The following LMNA variants were observed in gnomAD, a reference collection of about 807,000 sequenced individuals.
LMNA encodes lamin.
Under a neutral mutation model 70.4 loss-of-function variants are expected in LMNA, and 20 were observed. That is an observed-to-expected ratio of 0.28 (90% CI 0.20 to 0.41). The LOEUF (loss-of-function observed/expected upper bound fraction) is 0.41, where lower values mean the gene tolerates loss of function less well. LMNA is among the 10% of genes least tolerant of loss of function. The probability of loss-of-function intolerance (pLI) is 1.00; values close to 1 mark genes in which losing one functional copy is unlikely to be tolerated. For missense variants in LMNA, 652 were observed against 917.2 expected (o/e 0.71, Z 3.73); for synonymous variants, 339 against 372.8 (o/e 0.91, Z 1.04).
intron 3 of LMNA, among the ~76,000 whole-genome samples, chr1:156,094,158 C>T (rs1001469487): frequency 6.6e-6 from 1 of 152,168 alleles, no homozygotes; most frequent in Non-Finnish European, 1.5e-5. Flanking sequence ...ATGCATACAC[C>T]TCCTCTCAGT....
intron 2 of LMNA, among the ~76,000 whole-genome samples, chr1:156,084,323 A>G (rs1201212367): frequency 0.02 from 132 of 6,564 alleles, no homozygotes; most frequent in Non-Finnish European, 0.039. Flanking sequence ...AGGATCTCAG[A>G]AGGTCGGGGG....
At chr1:156,094,720 T>C (rs1648851726) in intron 3 of LMNA, among the ~76,000 whole-genome samples, 1 of 152,080 alleles carries the variant, frequency 6.6e-6, no homozygotes, top group Non-Finnish European at 1.5e-5. Context: ...CCAAGTCTGC[T>C]GTGGCACTCA....
chr1:156,111,055 C>T (rs1185739829), upstream of LMNA, among the ~76,000 whole-genome samples: 1 of 152,082 alleles, frequency 6.6e-6, no homozygotes, highest in Non-Finnish European at 1.5e-5. Flanking sequence ...TCCTTTCTGT[C>T]CCTCACAGCA....
rs563649707 is a variant in LMNA, at chr1:156,101,304, A to G, written c.-207+10722A>G. ...CCGCAGTTCGAGAATAGCCTGGGCA[A>G]CAAAGTGAGACCCCAGCTCTACAAA... On this transcript the variant is annotated intron_variant, in intron 3 of 12. Coordinates refer to the LMNA transcript ENST00000368301. Among the ~76,000 whole-genome samples the G allele has an allele frequency of 2.4e-4, 37 of 152,322 alleles. No individual in the cohort carries two copies. The East Asian group carries it at 5.8e-3, about 24-fold the overall frequency.
intron 3 of LMNA, among the ~76,000 whole-genome samples, chr1:156,096,700 GAC>G: frequency 6.6e-6 from 1 of 152,356 alleles, no homozygotes; most frequent in South Asian, 2.1e-4. Context: ...CCTCTGGAAG[GAC>G]ACAGTCAGGG....
Position 156,115,327 on chromosome 1 carries a change from G to A in LMNA, c.356+53G>A. 1 of 1,515,938 alleles carries A rather than the reference G, an allele frequency of 6.6e-7. No homozygotes were observed. Among genetic ancestry groups the A allele is most frequent in the Non-Finnish European group, 8.9e-7 (1 of 1,120,110 alleles). 93.9% of individuals were successfully genotyped at this position (1,515,938 alleles called of 1,614,324 possible). A position where few individuals can be genotyped will look rare whatever the true frequency, so the allele number is the denominator to read the frequency against. On this transcript the variant is annotated intron_variant, in intron 1 of 11. Coordinates refer to ENST00000368300, the MANE Select transcript of LMNA (RefSeq NM_170707.4). The surrounding 1 kb of genome is among the most constrained non-coding windows in gnomAD (Gnocchi z 5.8). ...TGGCGGGGAGTGGAGAGGGCGGCGGGCCGGCGCCCCTGGCCGGCCGCAGGA... is the reference window on the plus strand; with the variant it reads ...TGGCGGGGAGTGGAGAGGGCGGCGGACCGGCGCCCCTGGCCGGCCGCAGGA...
chr1:156,125,258 G>A (rs1650471809), intron 1 of LMNA, among the ~76,000 whole-genome samples: 1 of 152,226 alleles, frequency 6.6e-6, no homozygotes, highest in South Asian at 2.1e-4. Context: ...GAATGGGAGG[G>A]AGGGACAGAG....
chr1:156,138,819 G>A lies in LMNA; in HGVS notation c.1968+62G>A. ...CGGGTCCCTGGTCATCGAGGGGTAG[G>A]ACGAGGTGGCCTTGCAGGGGGGAGA... is the stretch of plus-strand genomic sequence containing the variant. On this transcript the variant is annotated intron_variant, in intron 11 of 11. Transcript: ENST00000368300. The surrounding 1 kb of genome is among the most constrained non-coding windows in gnomAD (Gnocchi z 5.5). 6.2e-7 allele frequency: 1 copy of A among 1,606,176 alleles called. No individual in the cohort carries two copies. The highest frequency in any genetic ancestry group is 8.5e-7 in the Non-Finnish European group (1 of 1,175,094).
In LMNA at chr1:156,139,160, C is replaced by T; in HGVS notation, c.*54C>T. 1 of 1,612,708 alleles carries T rather than the reference C, an allele frequency of 6.2e-7. No homozygotes were observed. Among genetic ancestry groups the T allele is most frequent in the East Asian group, 2.2e-5 (1 of 44,872 alleles). ...TGGAGGCTTCCTGCGTCCTCCTCAC[C>T]TCATGCCCACCCCCTGCCCTGCACG... On this transcript the variant is annotated 3_prime_UTR_variant, in exon 12 of 12. Coordinates refer to ENST00000368300, the MANE Select transcript of LMNA (RefSeq NM_170707.4).
At chr1:156,097,196 G>A (rs571075652) in intron 3 of LMNA, among the ~76,000 whole-genome samples, 3 of 152,282 alleles carry the variant, frequency 2.0e-5, no homozygotes, top group Admixed American at 1.3e-4. Flanking sequence ...GGGGAGGCCC[G>A]GTTTCCATGA....
intron 11 of LMNA, 68 bp from the exon 12 acceptor site, chr1:156,139,012 G>A: frequency 1.9e-6 from 3 of 1,542,450 alleles, no homozygotes; most frequent in Non-Finnish European, 1.8e-6. Flanking sequence ...CCTTCTAGGG[G>A]CCAGGGGAGG....
intron 3 of LMNA, among the ~76,000 whole-genome samples, chr1:156,106,019 C>CAGGT (rs1336053119): frequency 6.6e-6 from 1 of 151,924 alleles, no homozygotes; most frequent in Non-Finnish European, 1.5e-5. Flanking sequence ...CCTGTAGTCC[C>CAGGT]AGGTACTAGG....
intron 3 of LMNA, among the ~76,000 whole-genome samples, chr1:156,097,898 C>T (rs903410711): frequency 1.4e-4 from 21 of 152,192 alleles, no homozygotes; most frequent in Admixed American, 8.5e-4. Context: ...GCTCCCCCAC[C>T]GTTTTCTCTC....
At position 156,137,022 on chromosome 1, in the gene LMNA, G is replaced by A. The variant is rs768017760; in HGVS notation, c.1482G>A (p.Val494=). ...AGTTCACCCTGAAGGCTGGGCAGGT[G>A]GTGACGGTGAGTGGCAGGGCGCTTG... ...PPKFTLKAGQ[V]VTIWAAGAGA... is the part of the protein sequence containing the mutation. The change falls in exon 8 of 12, where the codon GTG becomes GTA. Residue 494 remains valine (V), a synonymous_variant. Transcript: ENST00000368300. This position sits in a 1 kb window ranked among gnomAD's most constrained non-coding sequence, Gnocchi z 4.6. The A allele has an allele frequency of 6.2e-7, 1 of 1,614,220 alleles. No individual in the cohort carries two copies. The highest frequency in any genetic ancestry group is 1.1e-5 in the South Asian group (1 of 91,088).
intron 2 of LMNA, among the ~76,000 whole-genome samples, chr1:156,133,378 C>T (rs1456772943): frequency 6.6e-6 from 1 of 151,822 alleles, no homozygotes; most frequent in Non-Finnish European, 1.5e-5. Flanking sequence ...CGAGACTATC[C>T]TGGCCAACAT....
At position 156,138,557 on chromosome 1, in the gene LMNA, A is replaced by G. The variant is rs1162992778; in HGVS notation, c.1768A>G (p.Thr590Ala). The change falls in exon 11 of 12, where the codon ACC becomes GCC. Residue 590 changes from threonine (T) to alanine (A), a missense_variant. Thr to Ala is a moderately conservative substitution (Grantham distance 58). Coordinates refer to ENST00000368300, the MANE Select transcript of LMNA (RefSeq NM_170707.4). This position sits in a 1 kb window ranked among gnomAD's most constrained non-coding sequence, Gnocchi z 5.5. ...GCGCTCGCGCACCGTGCTGTGCGGG[A>G]CCTGCGGGCAGCCTGCCGACAAGGC... ...NLRSRTVLCG[T>A]CGQPADKASA... 6.2e-7 allele frequency: 1 copy of G among 1,612,548 alleles called. No homozygotes were observed. The highest frequency in any genetic ancestry group is 1.7e-5 in the Admixed American group (1 of 59,944).
chr1:156,086,052 AAAAAT>A (rs1214948238), intron 2 of LMNA, among the ~76,000 whole-genome samples: 1 of 152,230 alleles, frequency 6.6e-6, no homozygotes, highest in African/African-American at 2.4e-5. Context: ...CTCCGTCTCA[AAAAAT>A]AAAATAAAAT....
Position 156,130,750 on chromosome 1 carries a change from G to A in LMNA, c.490G>A (p.Asp164Asn). Reference sequence around the variant, plus strand: ...GCGCACGCTGGAGGGCGAGCTGCATGATCTGCGGGGCCAGGTGGCCAAGGT... The same window carrying A: ...GCGCACGCTGGAGGGCGAGCTGCATAATCTGCGGGGCCAGGTGGCCAAGGT... The part of the protein sequence containing the change: ...EKRTLEGELH[D>N]LRGQVAKLEA... Residue 164 changes from aspartate (D) to asparagine (N), a missense_variant, in exon 2 of 12, where the codon GAT becomes AAT. Physicochemically the swap from Asp to Asn is conservative, Grantham distance 23 (BLOSUM62 1). Around this residue, in one of 4 missense-constraint regions of LMNA, gnomAD observed 254 missense variants for 421.9 expected, o/e 0.60. Transcript: ENST00000368300. 6.3e-7 allele frequency: 1 copy of A among 1,596,108 alleles called. No individual in the cohort carries two copies. Among genetic ancestry groups the A allele is most frequent in the Non-Finnish European group, 8.5e-7 (1 of 1,171,498 alleles).
chr1:156,115,371 G>A lies in LMNA; in HGVS notation c.356+97G>A. The A allele has an allele frequency of 8.9e-7, 1 of 1,129,328 alleles. No individual in the cohort carries two copies. The highest frequency in any genetic ancestry group is 2.5e-4 in the Middle Eastern group (1 of 3,934). 70.0% of individuals were successfully genotyped at this position (1,129,328 alleles called of 1,614,324 possible). ...CGCAGGAAGGGAGTGAGAGGGCCTG[G>A]AGGCCGATAACTTTGCCATAGTCTC... On this transcript the variant is annotated intron_variant, in intron 1 of 11. Transcript: ENST00000368300. This position sits in a 1 kb window ranked among gnomAD's most constrained non-coding sequence, Gnocchi z 5.8.
Sources: gnomAD v4.1 joint callset for allele counts (sites outside exome capture counted in the v4.1 genomes callset) on GRCh38, gnomAD v4.1.1 for gene constraint, gnomAD v4.1.1 regional missense constraint, Gnocchi (gnomAD v3.1) non-coding constraint, MANE v1.5 for transcripts, NCBI Gene and HGNC (gene_info 2026-07-23, HGNC 2026-07-21) for gene names.